ATP8A2: variants seen among roughly 807,000 people sequenced by gnomAD.
The protein encoded by ATP8A2 is ATPase phospholipid transporting 8A2.
A neutral mutation model predicts 165.6 loss-of-function variants in ATP8A2; 100 were observed. That is an observed-to-expected ratio of 0.60 (90% CI 0.51 to 0.71). The LOEUF (loss-of-function observed/expected upper bound fraction) is 0.71. Among genes scored for constraint, ATP8A2 ranks in the 30% least tolerant of loss-of-function variants. ATP8A2 has a pLI of 0.00. For synonymous variants in ATP8A2, 543 were observed against 548.8 expected (o/e 0.99, Z 0.15); for missense variants, 1,227 against 1,479.5 (o/e 0.83, Z 2.80).
At chr13:25,642,174 T>G (rs1380298982) in intron 24 of ATP8A2, among the ~76,000 whole-genome samples, 1 of 152,130 alleles carries the variant, frequency 6.6e-6, no homozygotes, top group Non-Finnish European at 1.5e-5. Flanking sequence ...GCAATACCAT[T>G]CAGGACATAG....
rs543957776 is a variant in ATP8A2 at position 25,614,529 on chromosome 13, A to C, written c.2211+24830A>C. ...TTGAGAGATTTTTTTCTTGGTTTGGATCCATTGCTATGAGCTAGTGTGATC... is the reference window on the plus strand; with the variant it reads ...TTGAGAGATTTTTTTCTTGGTTTGGCTCCATTGCTATGAGCTAGTGTGATC... On this transcript the variant is annotated intron_variant, in intron 24 of 36. Coordinates refer to ENST00000381655, the MANE Select transcript of ATP8A2 (RefSeq NM_016529.6). 7.2e-5 allele frequency among the ~76,000 whole-genome samples: 11 copies of C among 152,064 alleles called. No homozygotes were observed. The South Asian group carries it at 1.9e-3, about 26-fold the overall frequency.
intron 24 of ATP8A2, among the ~76,000 whole-genome samples, chr13:25,677,356 AT>A (rs906260039): frequency 6.6e-6 from 1 of 152,188 alleles, no homozygotes; most frequent in Non-Finnish European, 1.5e-5. Context: ...ATGGTTTTCA[AT>A]TTCTTTAAGA....
Position 25,911,475 on chromosome 13 carries a change from G to C in ATP8A2, c.3183+49067G>C, listed in dbSNP as rs556707848. On this transcript the variant is annotated intron_variant, in intron 33 of 36. Transcript: ENST00000381655. The stretch of plus-strand genomic sequence containing the variant: ...GGCAGCCCAGTGGGAGTCCCAGAGA[G>C]GGGACTAATTTGAGCTTAACAGGGG... 1.1e-4 allele frequency among the ~76,000 whole-genome samples: 17 copies of C among 152,280 alleles called. 1 individual carries two copies. The South Asian group carries it at 3.1e-3, about 28-fold the overall frequency.
In ATP8A2 at chr13:25,578,795, A is replaced by G; in HGVS notation, c.1783-20A>G. 7.1e-7 allele frequency: 1 copy of G among 1,411,158 alleles called. No individual in the cohort carries two copies. Among genetic ancestry groups the G allele is most frequent in the Non-Finnish European group, 1.0e-6 (1 of 995,076 alleles). The allele number at this position is 1,411,158 out of a possible 1,614,324, so 87.4% of individuals were successfully genotyped here. A position where few individuals can be genotyped will look rare whatever the true frequency, so the allele number is the denominator to read the frequency against. On this transcript the variant is annotated intron_variant, in intron 20 of 36. Coordinates refer to ENST00000381655, the MANE Select transcript of ATP8A2 (RefSeq NM_016529.6). The stretch of plus-strand genomic sequence containing the variant: ...GTTTACTGAAGGCTTTGCCAGTCAC[A>G]ATGTTTCCCTATTTTATAGGATAAT...
At chr13:25,636,787 G>GT (rs369533749) in intron 24 of ATP8A2, among the ~76,000 whole-genome samples, 3 of 152,166 alleles carry the variant, frequency 2.0e-5, no homozygotes, top group African/African-American at 7.2e-5. Context: ...AGTTTTGCTT[G>GT]TTTTTGAACT....
intron 24 of ATP8A2, among the ~76,000 whole-genome samples, chr13:25,640,032 A>G (rs867782753): frequency 3.0e-4 from 45 of 152,362 alleles, no homozygotes; most frequent in African/African-American, 9.1e-4. Context: ...GAAGGCAGAA[A>G]TAAAGATGTT....
intron 2 of ATP8A2, among the ~76,000 whole-genome samples, chr13:25,483,184 A>G (rs1258142241): frequency 2.0e-5 from 3 of 152,198 alleles, no homozygotes; most frequent in Non-Finnish European, 4.4e-5. Context: ...GAAGAGAAGC[A>G]CTTGGGATGG....
At chr13:25,455,797 C>G (rs1215809096) in intron 1 of ATP8A2, among the ~76,000 whole-genome samples, 1 of 152,216 alleles carries the variant, frequency 6.6e-6, no homozygotes, top group Non-Finnish European at 1.5e-5. Context: ...TGTGGCAACA[C>G]CTTACCTGAT....
rs1957087740 is a variant in ATP8A2, at chr13:26,021,954, A to G, written c.*1969A>G. The G allele has an allele frequency of 6.6e-6, 1 of 152,052 alleles. No homozygotes were observed. The highest frequency in any genetic ancestry group is 6.6e-5 in the Admixed American group (1 of 15,260). 9.4% of individuals were successfully genotyped at this position (152,052 alleles called of 1,614,324 possible). On this transcript the variant is annotated 3_prime_UTR_variant, in exon 37 of 37. Coordinates refer to ENST00000381655, the MANE Select transcript of ATP8A2 (RefSeq NM_016529.6). ...AATATGATCTGCATTGACTAAGAAA[A>G]CTCATCCTCACTTATGAGGTGACCA...
rs1593354275 is a variant in ATP8A2 at position 25,469,261 on chromosome 13, C to G, written c.221+140C>G. 5 of 1,050,880 alleles carry G rather than the reference C, an allele frequency of 4.8e-6. No individual in the cohort carries two copies. The East Asian group carries it at 1.3e-4, about 27-fold the overall frequency. 65.1% of individuals were successfully genotyped at this position (1,050,880 alleles called of 1,614,324 possible). ...AGAGCCTTCCCCTGCCCCCTCCCCA[C>G]CCCACTAGCCCGCGGTGCAGCCCCG... On this transcript the variant is annotated intron_variant, in intron 2 of 36. Coordinates refer to ENST00000381655, the MANE Select transcript of ATP8A2 (RefSeq NM_016529.6).
chr13:25,720,961 CTT>C (rs57485267), intron 25 of ATP8A2, among the ~76,000 whole-genome samples: 1,647 of 129,686 alleles, frequency 0.013, 29 homozygotes, highest in African/African-American at 0.039. Context: ...GGAGCTTTAG[CTT>C]TTTTTTTTTT....
intron 24 of ATP8A2, among the ~76,000 whole-genome samples, chr13:25,614,785 C>T (rs1291467931): frequency 6.6e-6 from 1 of 152,164 alleles, no homozygotes; most frequent in African/African-American, 2.4e-5. Context: ...CTGGATCTAG[C>T]CACCCAGCAG....
intron 25 of ATP8A2, among the ~76,000 whole-genome samples, chr13:25,726,282 G>A (rs995620688): frequency 6.6e-6 from 1 of 152,186 alleles, no homozygotes; most frequent in Non-Finnish European, 1.5e-5. Context: ...TGTGTCAGGT[G>A]TCCCTGTAAC....
chr13:25,848,113 G>A (rs761377046), intron 30 of ATP8A2, among the ~76,000 whole-genome samples: 1 of 152,232 alleles, frequency 6.6e-6, no homozygotes, highest in Non-Finnish European at 1.5e-5. Flanking sequence ...GCTCCGTGGC[G>A]CTACCTGGCA....
At chr13:25,683,337 C>T (rs1463194584) in intron 24 of ATP8A2, among the ~76,000 whole-genome samples, 1 of 152,112 alleles carries the variant, frequency 6.6e-6, no homozygotes, top group African/African-American at 2.4e-5. Context: ...GCAGTTGGTC[C>T]TCTTGCTTGT....
intron 4 of ATP8A2, among the ~76,000 whole-genome samples, 193 bp downstream of exon 4, chr13:25,530,853 A>T (rs1427487965): frequency 6.6e-6 from 1 of 152,162 alleles, no homozygotes; most frequent in Non-Finnish European, 1.5e-5. Flanking sequence ...GACACTAAAC[A>T]GTTCAAACTT....
intron 24 of ATP8A2, among the ~76,000 whole-genome samples, chr13:25,627,071 C>G (rs1241466819): frequency 6.6e-6 from 1 of 152,028 alleles, no homozygotes; most frequent in African/African-American, 2.4e-5. Context: ...ACAGCTGAAC[C>G]ATATCACTTA....
chr13:25,611,238 A>G (rs949040230), intron 24 of ATP8A2, among the ~76,000 whole-genome samples: 2 of 152,186 alleles, frequency 1.3e-5, no homozygotes, highest in East Asian at 3.9e-4. Flanking sequence ...CTCAGGGGGA[A>G]TGCTTTCAAC....
At chr13:25,853,936 T>C (rs1283447523) in intron 30 of ATP8A2, among the ~76,000 whole-genome samples, 1 of 152,204 alleles carries the variant, frequency 6.6e-6, no homozygotes, top group Non-Finnish European at 1.5e-5. Context: ...GCATCTGATA[T>C]AAAAATCTCC....
Sources: gnomAD v4.1 joint callset for allele counts (sites outside exome capture counted in the v4.1 genomes callset) on GRCh38, gnomAD v4.1.1 for gene constraint, MANE v1.5 for transcripts, NCBI Gene and HGNC (gene_info 2026-07-23, HGNC 2026-07-21) for gene names.